ANK3: variants seen among roughly 807,000 people sequenced by gnomAD.
ANK3 encodes ankyrin 3.
ANK3 carries 57 observed loss-of-function variants against 370.9 expected under a neutral mutation model. That is an observed-to-expected ratio of 0.15 (90% CI 0.12 to 0.19). ANK3 has a LOEUF of 0.19. ANK3 is among the 10% of genes least tolerant of loss of function. ANK3 has a pLI of 1.00. For synonymous variants in ANK3, 1,929 were observed against 1,946.3 expected (o/e 0.99, Z 0.23); for missense variants, 4,439 against 5,302.1 (o/e 0.84, Z 5.06).
At chr10:60,696,896 T>A (rs1361875445) in intron 1 of ANK3, among the ~76,000 whole-genome samples, 1 of 144,874 alleles carries the variant, frequency 6.9e-6, no homozygotes, top group Non-Finnish European at 1.5e-5. Context: ...TTGGAAGTTC[T>A]GGCCAGGGCA....
chr10:60,410,305 C>A (rs887914972), intron 2 of ANK3, among the ~76,000 whole-genome samples: 11 of 152,018 alleles, frequency 7.2e-5, no homozygotes, highest in Non-Finnish European at 1.3e-4. Context: ...AAAGACATTA[C>A]TCATAGTTGC....
intron 1 of ANK3, among the ~76,000 whole-genome samples, chr10:60,681,607 G>A (rs934283814): frequency 1.3e-5 from 2 of 152,150 alleles, no homozygotes; most frequent in African/African-American, 2.4e-5. Context: ...ATGCCTTCCA[G>A]TAGTATCCTA....
chr10:60,393,381 A>T (rs892771980), upstream of ANK3, among the ~76,000 whole-genome samples: 3 of 152,042 alleles, frequency 2.0e-5, no homozygotes, highest in South Asian at 4.2e-4. Context: ...GTCCGAAATA[A>T]TTTTTTTTAA....
At chr10:60,174,769 G>T (rs2095880888) in intron 18 of ANK3, among the ~76,000 whole-genome samples, 1 of 152,116 alleles carries the variant, frequency 6.6e-6, no homozygotes, top group Admixed American at 6.5e-5. Context: ...ACAGGGTCTT[G>T]CTCTGTCACC....
chr10:60,468,909 G>C (rs1477631855), intron 2 of ANK3, among the ~76,000 whole-genome samples: 1 of 146,868 alleles, frequency 6.8e-6, no homozygotes, highest in East Asian at 2.0e-4. Flanking sequence ...ACAAAGTGGT[G>C]TGTGCATGTA....
intron 1 of ANK3, among the ~76,000 whole-genome samples, chr10:60,715,281 A>G (rs2079769744): frequency 6.6e-6 from 1 of 151,616 alleles, no homozygotes; most frequent in Non-Finnish European, 1.5e-5. Context: ...GAAAGCAAAC[A>G]CGGTGTTTGA....
chr10:60,134,759 C>T (rs2094256154), intron 24 of ANK3, among the ~76,000 whole-genome samples: 1 of 152,170 alleles, frequency 6.6e-6, no homozygotes, highest in Middle Eastern at 3.2e-3. Flanking sequence ...TTGACATGCG[C>T]TACTGATAAG....
At chr10:60,087,830 T>A (rs1204490744) in intron 29 of ANK3, among the ~76,000 whole-genome samples, 1 of 152,224 alleles carries the variant, frequency 6.6e-6, no homozygotes, top group Non-Finnish European at 1.5e-5. Flanking sequence ...CTGATTTTTA[T>A]GATGTGGCAT....
chr10:60,209,712 C>T (rs2096822590), intron 9 of ANK3, among the ~76,000 whole-genome samples: 1 of 152,172 alleles, frequency 6.6e-6, no homozygotes. Flanking sequence ...ATATGGACTG[C>T]TTTATTCCTG....
intron 1 of ANK3, among the ~76,000 whole-genome samples, chr10:60,683,812 A>G (rs1043855811): frequency 1.3e-5 from 2 of 152,218 alleles, no homozygotes; most frequent in African/African-American, 2.4e-5. Context: ...GTTCCTGTCC[A>G]TACATGACAA....
chr10:60,487,257 TTAAGA>T (rs1373414565), intron 2 of ANK3, among the ~76,000 whole-genome samples: 1 of 152,182 alleles, frequency 6.6e-6, no homozygotes, highest in Non-Finnish European at 1.5e-5. Flanking sequence ...GTACTTTGCA[TTAAGA>T]TAAGAGAACA....
At chr10:60,058,370 G>A (rs564820469) in intron 41 of ANK3, among the ~76,000 whole-genome samples, 1 of 149,386 alleles carries the variant, frequency 6.7e-6, no homozygotes, top group East Asian at 1.9e-4. Flanking sequence ...AAATTATTTT[G>A]GGTAAAGACA....
chr10:60,388,726 G>C (rs1481781255), intron 1 of ANK3, among the ~76,000 whole-genome samples: 1 of 152,128 alleles, frequency 6.6e-6, no homozygotes, highest in Non-Finnish European at 1.5e-5. Flanking sequence ...AAAGCAATCA[G>C]TGTTGAAGGT....
At chr10:60,264,073 A>G in intron 5 of ANK3, 53 bp from the exon 6 acceptor site, 1 of 1,475,146 alleles carries the variant, frequency 6.8e-7, no homozygotes, top group Non-Finnish European at 9.2e-7. Flanking sequence ...TTTCTTTTTT[A>G]TTAAATTAAC....
At chr10:60,551,903 C>A (rs1447174113) in intron 2 of ANK3, among the ~76,000 whole-genome samples, 1 of 152,176 alleles carries the variant, frequency 6.6e-6, no homozygotes, top group Non-Finnish European at 1.5e-5. Flanking sequence ...GTAACATCAA[C>A]CTCTGTGCCA....
intron 2 of ANK3, among the ~76,000 whole-genome samples, chr10:60,430,497 C>T (rs1048731525): frequency 3.3e-5 from 5 of 151,070 alleles, no homozygotes; most frequent in Non-Finnish European, 7.4e-5. Context: ...AGGTTAAATT[C>T]GGGGTGACGA....
At position 60,442,040 on chromosome 10, in the gene ANK3, C is replaced by T. The variant is rs115354189; in HGVS notation, c.97-162401G>A. On this transcript the variant is annotated intron_variant, in intron 2 of 43. Coordinates refer to the ANK3 transcript ENST00000373827. ...CCCCAAAATTCAAGGATGCTCACAC[C>T]CCTGATGTAAAATGATGTATCATTT... 5.4e-3 allele frequency among the ~76,000 whole-genome samples: 816 copies of T among 152,006 alleles called. 4 individuals carry two copies. The highest frequency in any genetic ancestry group is 0.013 in the South Asian group (62 of 4,798).
At chr10:60,642,146 G>A (rs1419495871) in intron 1 of ANK3, among the ~76,000 whole-genome samples, 1 of 150,664 alleles carries the variant, frequency 6.6e-6, no homozygotes, top group Non-Finnish European at 1.5e-5. Context: ...GTGCTGGAGA[G>A]GATGTGGAGA....
chr10:60,434,311 T>C (rs540581055), intron 2 of ANK3, among the ~76,000 whole-genome samples: 2 of 152,336 alleles, frequency 1.3e-5, no homozygotes, highest in Non-Finnish European at 2.9e-5. Flanking sequence ...GCATAGCCCA[T>C]GTTTTCAATA....
Sources: gnomAD v4.1 joint callset for allele counts (sites outside exome capture counted in the v4.1 genomes callset) on GRCh38, gnomAD v4.1.1 for gene constraint, MANE v1.5 for transcripts, NCBI Gene and HGNC (gene_info 2026-07-23, HGNC 2026-07-21) for gene names.